AGTR1: variants seen among roughly 807,000 people sequenced by gnomAD.
AGTR1 encodes the protein angiotensin II receptor type 1.
AGTR1 carries 16 observed loss-of-function variants against 19.4 expected under a neutral mutation model. The observed-to-expected ratio is 0.82, with a 90% CI of 0.56 to 1.25. The LOEUF (loss-of-function observed/expected upper bound fraction) is 1.25. Ranked by LOEUF, AGTR1 falls within the 50% of genes most tolerant of loss-of-function variation. The pLI, the probability that AGTR1 is intolerant of heterozygous loss-of-function variation, is 0.00. For missense variants in AGTR1, 373 were observed against 431.9 expected (o/e 0.86, Z 1.21); for synonymous variants, 153 against 154.9 (o/e 0.99, Z 0.09).
chr3:148,704,801 T>A (rs1271854743), intron 1 of AGTR1, among the ~76,000 whole-genome samples: 1 of 152,198 alleles, frequency 6.6e-6, no homozygotes. Flanking sequence ...CCTGGGATCA[T>A]GTTTGAGGGG....
chr3:148,733,673 T>G (rs965576191), intron 2 of AGTR1, among the ~76,000 whole-genome samples: 1 of 152,200 alleles, frequency 6.6e-6, no homozygotes, highest in African/African-American at 2.4e-5. Context: ...TTATTAAAAA[T>G]GATGTTTCCT....
chr3:148,722,589 C>G (rs1187689542), intron 2 of AGTR1, among the ~76,000 whole-genome samples: 2 of 152,244 alleles, frequency 1.3e-5, no homozygotes, highest in East Asian at 1.9e-4. Context: ...TCATCTCACT[C>G]TGGTCCCTGC....
intron 2 of AGTR1, among the ~76,000 whole-genome samples, chr3:148,720,681 T>C (rs1713579940): frequency 6.6e-6 from 1 of 150,432 alleles, no homozygotes; most frequent in Admixed American, 6.6e-5. Flanking sequence ...AAACATGCAA[T>C]AAAAAAGCCA....
At chr3:148,704,955 T>C (rs80067150) in intron 1 of AGTR1, among the ~76,000 whole-genome samples, 223 of 152,310 alleles carry the variant, frequency 1.5e-3, no homozygotes, top group African/African-American at 5.2e-3. Context: ...TTGTAAGTTA[T>C]GGGTTAGGGC....
intron 2 of AGTR1, among the ~76,000 whole-genome samples, chr3:148,717,250 GGCACTGTGTCAT>G (rs1309448976): frequency 1.3e-5 from 2 of 152,164 alleles, no homozygotes; most frequent in Admixed American, 6.5e-5. Context: ...ACTGGTGTCA[GGCACTGTGTCAT>G]GCACTGTGTC....
chr3:148,714,113 C>A (rs1377189276), intron 2 of AGTR1, among the ~76,000 whole-genome samples: 1 of 152,126 alleles, frequency 6.6e-6, no homozygotes, highest in Non-Finnish European at 1.5e-5. Context: ...CAGTTTGCAG[C>A]AGATTCTATT....
At chr3:148,738,602 G>T (rs1490387368) in intron 2 of AGTR1, among the ~76,000 whole-genome samples, 1 of 152,158 alleles carries the variant, frequency 6.6e-6, no homozygotes, top group Admixed American at 6.5e-5. Flanking sequence ...AATCCTCTGG[G>T]TGAGGAAGAA....
chr3:148,742,330 A>G lies in AGTR1; in HGVS notation c.*215A>G. 5.7e-6 allele frequency: 4 copies of G among 704,572 alleles called. No homozygotes were observed. The South Asian group carries it at 6.3e-5, about 11-fold the overall frequency. 43.6% of individuals were successfully genotyped at this position (704,572 alleles called of 1,614,324 possible). A position where few individuals can be genotyped will look rare whatever the true frequency, so the allele number is the denominator to read the frequency against. On this transcript the variant is annotated 3_prime_UTR_variant, in exon 3 of 3. Transcript: ENST00000349243. ...AGCAAAGCCACATTTTGCATTAGAC[A>G]GATGACGGCTGCTCGAAGAACAATG...
chr3:148,736,118 A>C (rs1714557145), intron 2 of AGTR1, among the ~76,000 whole-genome samples: 2 of 152,222 alleles, frequency 1.3e-5, no homozygotes, highest in Non-Finnish European at 2.9e-5. Flanking sequence ...GAAGGTATTA[A>C]TATTCTAATC....
chr3:148,725,142 C>G (rs1047062501), intron 2 of AGTR1, among the ~76,000 whole-genome samples: 1 of 152,076 alleles, frequency 6.6e-6, no homozygotes, highest in African/African-American at 2.4e-5. Context: ...TATATGAATA[C>G]TAGGGGAGCT....
At chr3:148,713,304 T>C (rs146769087) in intron 2 of AGTR1, among the ~76,000 whole-genome samples, 2 of 146,564 alleles carry the variant, frequency 1.4e-5, no homozygotes, top group Non-Finnish European at 3.0e-5. Flanking sequence ...TCAATCCATA[T>C]TGGTTGGAGG....
Position 148,741,933 on chromosome 3 carries a change from C to CT in AGTR1, c.904dup (p.Tyr302LeufsTer9). 6.2e-7 allele frequency: 1 copy of CT among 1,614,032 alleles called. No homozygotes were observed. ...TTATTTTAACAATTGCCTGAATCCT[C>CT]TTTTTTATGGCTTTCTGGGGAAAAA... On this transcript the variant is annotated frameshift_variant, in exon 3 of 3. Transcript: ENST00000349243. LOFTEE classifies it high-confidence loss of function.
chr3:148,726,416 C>T (rs965296862), intron 2 of AGTR1, among the ~76,000 whole-genome samples: 9 of 152,082 alleles, frequency 5.9e-5, no homozygotes, highest in Non-Finnish European at 1.0e-4. Context: ...ACCATGCTGG[C>T]CAGGCTGGTC....
rs546029117 is a variant in AGTR1, at chr3:148,703,203, G to A, written c.-131-4741G>A. Among the ~76,000 whole-genome samples the A allele has an allele frequency of 1.6e-4, 25 of 152,182 alleles. 1 individual carries two copies. Among genetic ancestry groups the A allele is most frequent in the Non-Finnish European group, 7.4e-5 (5 of 68,008 alleles). On this transcript the variant is annotated intron_variant, in intron 1 of 2. Coordinates refer to ENST00000349243, the MANE Select transcript of AGTR1 (RefSeq NM_000685.5). ...CCCCTGTCCTCATTCCCCCTGTTGA[G>A]ACACATTGTATTACAAATTAGGAGG...
intron 2 of AGTR1, among the ~76,000 whole-genome samples, chr3:148,726,958 T>G (rs1479355016): frequency 6.6e-6 from 1 of 152,208 alleles, no homozygotes; most frequent in Non-Finnish European, 1.5e-5. Context: ...CTTTCAAACT[T>G]TATGATGCTT....
chr3:148,732,283 G>T (rs540035962), intron 2 of AGTR1, among the ~76,000 whole-genome samples: 4 of 152,306 alleles, frequency 2.6e-5, no homozygotes, highest in East Asian at 3.9e-4. Context: ...ACAGCCTTTG[G>T]CCATAAATGG....
chr3:148,721,747 C>T (rs1713649909), intron 2 of AGTR1, among the ~76,000 whole-genome samples: 1 of 152,180 alleles, frequency 6.6e-6, no homozygotes, highest in Non-Finnish European at 1.5e-5. Context: ...GAGAGCTGCA[C>T]AGAGAACCCA....
rs947321607 is a variant in AGTR1, at chr3:148,740,990, T to C, written c.-46T>C. On this transcript the variant is annotated splice_region_variant and 5_prime_UTR_variant, in exon 3 of 3. Transcript: ENST00000349243. ...CCATTTTATTTTTATTTTCCCCAGG[T>C]GTATTTGATATAGTGTTTGCAACAA... 6 of 1,610,012 alleles carry C rather than the reference T, an allele frequency of 3.7e-6. No individual in the cohort carries two copies. Among genetic ancestry groups the C allele is most frequent in the Non-Finnish European group, 5.1e-6 (6 of 1,178,156 alleles).
chr3:148,729,375 G>A (rs904383730), intron 2 of AGTR1, among the ~76,000 whole-genome samples: 1 of 152,146 alleles, frequency 6.6e-6, no homozygotes, highest in Admixed American at 6.5e-5. Flanking sequence ...AACCCAGAAC[G>A]TGCATTTTAT....
Sources: allele counts gnomAD v4.1 joint callset (sites outside exome capture counted in the v4.1 genomes callset), GRCh38; gene constraint gnomAD v4.1.1; transcripts MANE v1.5; gene names NCBI Gene and HGNC (gene_info 2026-07-23, HGNC 2026-07-21).